The following ITGB4 variants were observed in gnomAD, a reference collection of about 807,000 sequenced individuals.
The protein encoded by ITGB4 is integrin beta-4.
Under a neutral mutation model 207.6 loss-of-function variants are expected in ITGB4, and 159 were observed. The observed-to-expected ratio is 0.77, with a 90% confidence interval of 0.67 to 0.87. The LOEUF (loss-of-function observed/expected upper bound fraction) is 0.87, where lower values mean the gene tolerates loss of function less well. Among genes scored for constraint, ITGB4 ranks in the 40% least tolerant of loss-of-function variants. ITGB4 has a pLI of 0.00. For missense variants in ITGB4, 2,278 were observed against 2,546.8 expected (o/e 0.89, Z 2.27); for synonymous variants, 1,020 against 1,062.7 (o/e 0.96, Z 0.78).
intron 25 of ITGB4, among the ~76,000 whole-genome samples, chr17:75,743,178 G>GCCT (rs1425692833): frequency 6.6e-6 from 1 of 151,926 alleles, no homozygotes; most frequent in Non-Finnish European, 1.5e-5. Context: ...CCCGTGACTG[G>GCCT]CCTCCCTCCT....
At position 75,742,650 on chromosome 17, in the gene ITGB4, C is replaced by T. The variant is rs764035400; in HGVS notation, c.2851C>T (p.Arg951Trp). The T allele has an allele frequency of 4.0e-5, 64 of 1,613,922 alleles. No homozygotes were observed. Among genetic ancestry groups the T allele is most frequent in the Admixed American group, 5.0e-5 (3 of 59,994 alleles). ...LVDVRVPLFI[R>W]PEDDDEKQLL... ...GGACGTACGGGTGCCCCTCTTTATC[C>T]GGCCTGAGGATGACGACGAGAAGCA... The change falls in exon 25 of 40, where the codon CGG (arginine) becomes TGG (tryptophan). Residue 951 changes from arginine to tryptophan, a missense_variant. Transcript: ENST00000200181. This position sits in a 1 kb window ranked among gnomAD's most constrained non-coding sequence, Gnocchi z 5.9.
At position 75,740,799 on chromosome 17, in the gene ITGB4, G is replaced by A. The variant is rs144402600; in HGVS notation, c.2557G>A (p.Glu853Lys). The change falls in exon 22 of 40, where the codon GAG (glutamate) becomes AAG (lysine). Residue 853 changes from glutamate to lysine, a missense_variant. Physicochemically the swap from Glu to Lys is moderately conservative, Grantham distance 56. Transcript: ENST00000200181. This position sits in a 1 kb window ranked among gnomAD's most constrained non-coding sequence, Gnocchi z 5.9. ...CCCCTCCCTTGCCTGGCAGCTGAAC[G>A]AGGTCTACAGGCAGATCTCCGGTGT... ...LRQEVEENLN[E>K]VYRQISGVHK... 3.2e-5 allele frequency: 52 copies of A among 1,613,110 alleles called. No homozygotes were observed. Among genetic ancestry groups the A allele is most frequent in the East Asian group, 6.7e-5 (3 of 44,896 alleles).
chr17:75,736,236 A>G, intron 14 of ITGB4, 52 bp from the exon 15 acceptor site: 1 of 1,602,282 alleles, frequency 6.2e-7, no homozygotes, highest in Non-Finnish European at 8.6e-7. Context: ...GAGGAGAGGG[A>G]GCAGGCAGGG....
rs753854999 is a variant in ITGB4, at chr17:75,757,715, G to T, written c.*160G>T. ...CTCCTGGGAGGCATGAAGGGGGCAAGGTCCGTCCTCTGTGGGCCCAAACCT... is the reference window on the plus strand; with the variant it reads ...CTCCTGGGAGGCATGAAGGGGGCAATGTCCGTCCTCTGTGGGCCCAAACCT... On this transcript the variant is annotated 3_prime_UTR_variant, in exon 40 of 40. Coordinates refer to ENST00000200181, the MANE Select transcript of ITGB4 (RefSeq NM_000213.5). 2.5e-5 allele frequency: 25 copies of T among 992,090 alleles called. No individual in the cohort carries two copies. The African/African-American group carries it at 3.2e-4, about 13-fold the overall frequency. The allele number at this position is 992,090 out of a possible 1,614,324, so 61.5% of individuals were successfully genotyped here.
In ITGB4 at chr17:75,734,127, G is replaced by GTTT. The variant is rs58249158; in HGVS notation, c.1657+459_1657+461dup. On this transcript the variant is annotated intron_variant, in intron 13 of 39. Coordinates refer to ENST00000200181, the MANE Select transcript of ITGB4 (RefSeq NM_000213.5). ...TGGGTTTTTTGTTGTTGTTGCTGCT[G>GTTT]TTTTTTTTTTTTTTTTTTTTTTTTT... 1.6e-3 allele frequency among the ~76,000 whole-genome samples: 121 copies of GTTT among 76,092 alleles called. 10 individuals carry two copies. Among genetic ancestry groups the GTTT allele is most frequent in the African/African-American group, 4.3e-3 (69 of 16,166 alleles). 49.9% of individuals were successfully genotyped at this position (76,092 alleles called of 152,430 possible). A position where few individuals can be genotyped will look rare whatever the true frequency, so the allele number is the denominator to read the frequency against.
chr17:75,752,540 A>G lies in ITGB4; in HGVS notation c.4071A>G (p.Pro1357=). The G allele has an allele frequency of 5.6e-6, 9 of 1,613,642 alleles. No homozygotes were observed. Among genetic ancestry groups the G allele is most frequent in the Non-Finnish European group, 7.6e-6 (9 of 1,180,014 alleles). The change falls in exon 32 of 40, where the codon CCA becomes CCG. Residue 1357 remains proline, a synonymous_variant. Transcript: ENST00000200181. The part of the protein sequence containing the change: ...LMYSDDVLRS[P]SGSQRPSVSD... The stretch of plus-strand genomic sequence containing the variant: ...ACAGCGATGACGTTCTACGCTCTCC[A>G]TCGGGCAGCCAGAGGCCCAGCGTCT...
Position 75,751,109 on chromosome 17 carries a change from A to G in ITGB4, c.3791A>G (p.Asn1264Ser), listed in dbSNP as rs761691986. The G allele has an allele frequency of 9.9e-6, 16 of 1,613,232 alleles. No homozygotes were observed. The highest frequency in any genetic ancestry group is 5.0e-5 in the Admixed American group (3 of 59,998). ...EVCYGLVNDD[N>S]RPIGPMKKVL... ...TGCTATGGCCTGGTCAACGATGACA[A>G]CCGTAAGAACCAGATCCTTCTTTCC... The change falls in exon 30 of 40, where the codon AAC becomes AGC. Residue 1264 changes from asparagine to serine, a missense_variant and splice_region_variant. By Grantham distance (46) the Asn-to-Ser change is conservative (BLOSUM62 1). Transcript: ENST00000200181.
rs566692841 is a variant in ITGB4 at position 75,727,073 on chromosome 17, AAAAT to A, written c.80-107_80-104del. On this transcript the variant is annotated intron_variant, in intron 2 of 39. Transcript: ENST00000200181. This position sits in a 1 kb window ranked among gnomAD's most constrained non-coding sequence, Gnocchi z 6.0. The stretch of plus-strand genomic sequence containing the variant: ...GGGCAACAGAGCGAGACTCTGTCTC[AAAAT>A]AAATAAATAAATAACATAAGGAGGG... 190 of 834,340 alleles carry A rather than the reference AAAAT, an allele frequency of 2.3e-4. No individual in the cohort carries two copies. The highest frequency in any genetic ancestry group is 3.0e-4 in the Non-Finnish European group (149 of 503,742). The allele number at this position is 834,340 out of a possible 1,614,324, so 51.7% of individuals were successfully genotyped here.
chr17:75,755,671 C>T (rs371198494), intron 34 of ITGB4, 30 bp from the exon 35 acceptor site: 1 of 1,612,176 alleles, frequency 6.2e-7, no homozygotes, highest in South Asian at 1.1e-5. Context: ...GCCCCTGCAT[C>T]TCTGGCTGAC....
Position 75,729,394 on chromosome 17 carries a change from T to C in ITGB4, c.696T>C (p.Pro232=), listed in dbSNP as rs941460625. The C allele has an allele frequency of 3.7e-6, 6 of 1,614,086 alleles. No individual in the cohort carries two copies. In the African/African-American group the frequency reaches 4.0e-5, roughly 11 times the overall value. The part of the protein sequence containing the change: ...GERISGNLDA[P]EGGFDAILQT... ...GGATCTCAGGCAACCTGGATGCTCCTGAGGGCGGCTTCGATGCCATCCTGC... is the reference window on the plus strand; with the variant it reads ...GGATCTCAGGCAACCTGGATGCTCCCGAGGGCGGCTTCGATGCCATCCTGC... The change falls in exon 7 of 40, where the codon CCT becomes CCC. Residue 232 remains proline (P), a synonymous_variant. Coordinates refer to ENST00000200181, the MANE Select transcript of ITGB4 (RefSeq NM_000213.5). This position sits in a 1 kb window ranked among gnomAD's most constrained non-coding sequence, Gnocchi z 4.4.
rs1164329850 is a variant in ITGB4 at position 75,743,790 on chromosome 17, C to T, written c.3040C>T (p.Arg1014Trp). 4 of 1,613,130 alleles carry T rather than the reference C, an allele frequency of 2.5e-6. No individual in the cohort carries two copies. The highest frequency in any genetic ancestry group is 2.5e-6 in the Non-Finnish European group (3 of 1,179,910). Reference sequence around the variant, plus strand: ...CCAGGTGGCCCGCATCCCTGTCATCCGGCGTGTCCTGGACGGCGGGAAGTC... The same window carrying T: ...CCAGGTGGCCCGCATCCCTGTCATCTGGCGTGTCCTGGACGGCGGGAAGTC... ...GDQVARIPVI[R>W]RVLDGGKSQV... The change falls in exon 26 of 40, where the codon CGG becomes TGG. Residue 1014 changes from arginine (R) to tryptophan (W), a missense_variant. Arg to Trp is a moderately radical substitution (Grantham distance 101, BLOSUM62 -3). Coordinates refer to ENST00000200181, the MANE Select transcript of ITGB4 (RefSeq NM_000213.5).
In ITGB4 at chr17:75,731,046, A is replaced by C; in HGVS notation, c.1092+82A>C. The C allele has an allele frequency of 5.5e-6, 8 of 1,450,502 alleles. No homozygotes were observed. The highest frequency in any genetic ancestry group is 7.7e-6 in the Non-Finnish European group (8 of 1,035,830). 89.9% of individuals were successfully genotyped at this position (1,450,502 alleles called of 1,614,324 possible). A position where few individuals can be genotyped will look rare whatever the true frequency, so the allele number is the denominator to read the frequency against. ...GCAGGGTGGGCAAGAGGTGTCTTGG[A>C]TCACGGTGGAGAAATGGGTCTGGGA... On this transcript the variant is annotated intron_variant, in intron 9 of 39. Transcript: ENST00000200181. This position sits in a 1 kb window ranked among gnomAD's most constrained non-coding sequence, Gnocchi z 6.8.
In ITGB4 at chr17:75,742,628, C is replaced by G. The variant is rs147068910; in HGVS notation, c.2829C>G (p.Asp943Glu). The G allele has an allele frequency of 2.5e-6, 4 of 1,614,038 alleles. No homozygotes were observed. Among genetic ancestry groups the G allele is most frequent in the Non-Finnish European group, 3.4e-6 (4 of 1,180,020 alleles). Residue 943 changes from aspartate to glutamate, a missense_variant, in exon 25 of 40, where the codon GAC becomes GAG. Asp to Glu is a conservative substitution (Grantham distance 45, BLOSUM62 2). Coordinates refer to ENST00000200181, the MANE Select transcript of ITGB4 (RefSeq NM_000213.5). The surrounding 1 kb of genome is among the most constrained non-coding windows in gnomAD (Gnocchi z 5.9). ...TCCAGGAGGGCGTGGAGCTGGTGGA[C>G]GTACGGGTGCCCCTCTTTATCCGGC... ...VEFQEGVELVDVRVPLFIRPE... is the reference protein window; with the variant it reads ...VEFQEGVELVEVRVPLFIRPE...
Position 75,727,453 on chromosome 17 carries a change from G to A in ITGB4, c.212G>A (p.Gly71Asp). The change falls in exon 4 of 40, where the codon GGC (glycine) becomes GAC (aspartate). Residue 71 changes from glycine (G) to aspartate (D), a missense_variant. Physicochemically the swap from Gly to Asp is moderately conservative, Grantham distance 94 (BLOSUM62 -1). Coordinates refer to ENST00000200181, the MANE Select transcript of ITGB4 (RefSeq NM_000213.5). The surrounding 1 kb of genome is among the most constrained non-coding windows in gnomAD (Gnocchi z 6.0). ...ACCCAGGCGGAGCTGCTGGCCGCGG[G>A]CTGCCAGCGGGAGAGCATCGTGGTC... ...CNTQAELLAA[G>D]CQRESIVVME... 6.2e-7 allele frequency: 1 copy of A among 1,613,994 alleles called. No homozygotes were observed. Among genetic ancestry groups the A allele is most frequent in the Non-Finnish European group, 8.5e-7 (1 of 1,180,030 alleles).
At chr17:75,724,859 C>T (rs1568339814) in intron 2 of ITGB4, 77 bp downstream of exon 2, 1 of 1,211,208 alleles carries the variant, frequency 8.3e-7, no homozygotes, top group Non-Finnish European at 1.2e-6. Context: ...ACGGGGATCT[C>T]ACGGTGTCTC....
chr17:75,739,797 C>G lies in ITGB4; in HGVS notation c.2255-83C>G. The G allele has an allele frequency of 1.9e-6, 3 of 1,609,050 alleles. No individual in the cohort carries two copies. The South Asian group carries it at 3.3e-5, about 18-fold the overall frequency. ...GAAGCTGAACCTGGAACGGCAGAGG[C>G]TGGAGGCTCTGGGGTCCCACCTGAA... On this transcript the variant is annotated intron_variant, in intron 19 of 39. Coordinates refer to ENST00000200181, the MANE Select transcript of ITGB4 (RefSeq NM_000213.5). This position sits in a 1 kb window ranked among gnomAD's most constrained non-coding sequence, Gnocchi z 5.4.
In ITGB4 at chr17:75,727,242, C is replaced by G. The variant is rs757276151; in HGVS notation, c.127C>G (p.Arg43Gly). 1.2e-6 allele frequency: 2 copies of G among 1,613,972 alleles called. No individual in the cohort carries two copies. The highest frequency in any genetic ancestry group is 1.7e-6 in the Non-Finnish European group (2 of 1,179,962). Residue 43 changes from arginine (R) to glycine (G), a missense_variant, in exon 3 of 40, where the codon CGT (arginine) becomes GGT (glycine). Transcript: ENST00000200181. The surrounding 1 kb of genome is among the most constrained non-coding windows in gnomAD (Gnocchi z 6.0). Reference protein sequence around the residue: ...APVKSCTECVRVDKDCAYCTD... With the variant: ...APVKSCTECVGVDKDCAYCTD... Reference sequence around the variant, plus strand: ...AGTGAAGAGCTGCACGGAGTGTGTCCGTGTGGATAAGGACTGCGCCTACTG... The same window carrying G: ...AGTGAAGAGCTGCACGGAGTGTGTCGGTGTGGATAAGGACTGCGCCTACTG...
At chr17:75,736,783 T>A in intron 16 of ITGB4, 89 bp downstream of exon 16, 1 of 1,440,200 alleles carries the variant, frequency 6.9e-7, no homozygotes, top group Non-Finnish European at 9.5e-7. Flanking sequence ...GGACGGGGGC[T>A]TGCAGTCTGG....
In ITGB4 at chr17:75,756,953, C is replaced by T. The variant is rs761469169; in HGVS notation, c.5064C>T (p.Thr1688=). The T allele has an allele frequency of 1.2e-5, 20 of 1,612,486 alleles. No individual in the cohort carries two copies. In the Admixed American group the frequency reaches 2.3e-4, roughly 19 times the overall value. Residue 1688 remains threonine, a synonymous_variant, in exon 38 of 40, where the codon ACC becomes ACT. Coordinates refer to ENST00000200181, the MANE Select transcript of ITGB4 (RefSeq NM_000213.5). ...ATCTTCCCTGCTCAGGGCCAGCCAC[C>T]GCATTCCGGGTGGATGGAGACAGCC... ...CEMAQGGGPA[T]AFRVDGDSPE... is the part of the protein sequence containing the mutation.
Sources: gnomAD v4.1 joint callset for allele counts (sites outside exome capture counted in the v4.1 genomes callset) on GRCh38, gnomAD v4.1.1 for gene constraint, Gnocchi (gnomAD v3.1) non-coding constraint, MANE v1.5 for transcripts, NCBI Gene and HGNC (gene_info 2026-07-23, HGNC 2026-07-21) for gene names.